Variants in AK2 observed in about 807,000 individuals in gnomAD.
AK2 encodes the protein adenylate kinase 2.
AK2 carries 15 observed loss-of-function variants against 24.6 expected under a neutral mutation model. The ratio of observed to expected loss-of-function variants is 0.61; its 90% CI spans 0.41 to 0.94. The LOEUF is 0.94. AK2 is among the 40% of genes least tolerant of loss of function. The pLI is 0.00. For missense variants in AK2, 257 were observed against 304.1 expected (o/e 0.85, Z 1.15); for synonymous variants, 102 against 114.0 (o/e 0.90, Z 0.67).
Position 33,007,995 on chromosome 1 carries a change from TA to T in AK2, c.*5185del. 2.2e-6 allele frequency: 1 copy of T among 453,782 alleles called. No individual in the cohort carries two copies. The highest frequency in any genetic ancestry group is 4.4e-6 in the Non-Finnish European group (1 of 226,714). The allele number at this position is 453,782 out of a possible 1,614,324, so 28.1% of individuals were successfully genotyped here. On this transcript the variant is annotated 3_prime_UTR_variant, in exon 6 of 6. Transcript: ENST00000672715. ...ATGCATGCAGAACCTCTCACACAGC[TA>T]AGAATTTAATATGTTAGACTATTAT... is the stretch of plus-strand genomic sequence containing the variant.
In AK2 at chr1:33,012,362, A is replaced by C. The variant is rs746790834; in HGVS notation, c.*819T>G. The C allele has an allele frequency of 1.3e-6, 2 of 1,526,440 alleles. No homozygotes were observed. Among genetic ancestry groups the C allele is most frequent in the South Asian group, 2.4e-5 (2 of 83,066 alleles). 94.6% of individuals were successfully genotyped at this position (1,526,440 alleles called of 1,614,324 possible). ...TCCACCTAGGGGGAAAAAATTAATG[A>C]TCCCTGTTCACACACTGACTCACGT... On this transcript the variant is annotated 3_prime_UTR_variant, in exon 6 of 6. Coordinates refer to ENST00000672715, the MANE Select transcript of AK2 (RefSeq NM_001625.4).
rs564890481 is a variant in AK2, at chr1:33,033,066, G to A, written c.93+3670C>T. Among the ~76,000 whole-genome samples, 4 of 151,992 alleles carry A rather than the reference G, an allele frequency of 2.6e-5. No individual in the cohort carries two copies. The South Asian group carries it at 8.3e-4, about 32-fold the overall frequency. ...TAGTCCCAGCTACTCGGGAGACTGA[G>A]GCAGAATGGCGTGAATCCGGGAAGC... On this transcript the variant is annotated intron_variant, in intron 1 of 5. Coordinates refer to ENST00000672715, the MANE Select transcript of AK2 (RefSeq NM_001625.4).
chr1:33,014,361 C>A, intron 5 of AK2, 161 bp downstream of exon 5: 2 of 634,426 alleles, frequency 3.2e-6, no homozygotes, highest in East Asian at 3.6e-5. Context: ...CTGAATAGAT[C>A]TGACACAGGC....
At chr1:33,017,911 C>T (rs1639294974) in intron 4 of AK2, among the ~76,000 whole-genome samples, 1 of 152,168 alleles carries the variant, frequency 6.6e-6, no homozygotes, top group South Asian at 2.1e-4. Context: ...CAGGTGCACA[C>T]TGCCACACCT....
At chr1:33,014,362 T>G in intron 5 of AK2, 160 bp downstream of exon 5, 1 of 638,244 alleles carries the variant, frequency 1.6e-6, no homozygotes, top group Non-Finnish European at 2.9e-6. Context: ...TGAATAGATC[T>G]GACACAGGCC....
intron 1 of AK2, among the ~76,000 whole-genome samples, chr1:33,030,824 G>A (rs1640192757): frequency 6.6e-6 from 1 of 152,208 alleles, no homozygotes; most frequent in African/African-American, 2.4e-5. Flanking sequence ...TCTTAGCCAT[G>A]ACACTATAAG....
intron 1 of AK2, among the ~76,000 whole-genome samples, chr1:33,028,714 C>G (rs1264825330): frequency 6.6e-6 from 1 of 152,118 alleles, no homozygotes; most frequent in African/African-American, 2.4e-5. Flanking sequence ...TCTATGAAAA[C>G]TCTGTGGGGT....
Position 33,021,679 on chromosome 1 carries a change from G to A in AK2, c.244C>T (p.Leu82Phe), listed in dbSNP as rs1639567622. ...KLVSDEMVVE[L>F]IEKNLETPLC... ...GGGGTCTCCAAATTCTTCTCAATGA[G>A]CTCCACTACCATTTCATCACTCACC... Residue 82 changes from leucine (L) to phenylalanine (F), a missense_variant, in exon 3 of 6, where the codon CTC (leucine) becomes TTC (phenylalanine). By Grantham distance (22) the Leu-to-Phe change is conservative (BLOSUM62 0). Coordinates refer to ENST00000672715, the MANE Select transcript of AK2 (RefSeq NM_001625.4). 3 of 1,613,794 alleles carry A rather than the reference G, an allele frequency of 1.9e-6. No homozygotes were observed. The highest frequency in any genetic ancestry group is 2.5e-6 in the Non-Finnish European group (3 of 1,179,690).
At chr1:33,020,908 A>T (rs1346050202) in intron 4 of AK2, among the ~76,000 whole-genome samples, 3 of 151,686 alleles carry the variant, frequency 2.0e-5, no homozygotes, top group Non-Finnish European at 4.4e-5. Context: ...GCACTTTGGG[A>T]GGCCGAGGCA....
At position 33,014,384 on chromosome 1, in the gene AK2, T is replaced by C. The variant is rs1179964520; in HGVS notation, c.498+138A>G. On this transcript the variant is annotated intron_variant, in intron 5 of 5. Coordinates refer to ENST00000672715, the MANE Select transcript of AK2 (RefSeq NM_001625.4). ...ATCTGACACAGGCCATGTGATTTAC[T>C]TGATAGTGTTATTTTTCATGACTAA... 10 of 709,694 alleles carry C rather than the reference T, an allele frequency of 1.4e-5. No individual in the cohort carries two copies. The African/African-American group carries it at 1.4e-4, about 10-fold the overall frequency. The allele number at this position is 709,694 out of a possible 1,614,324, so 44.0% of individuals were successfully genotyped here. A position where few individuals can be genotyped will look rare whatever the true frequency, so the allele number is the denominator to read the frequency against.
At chr1:33,018,562 C>T (rs1051727915) in intron 4 of AK2, among the ~76,000 whole-genome samples, 2 of 152,228 alleles carry the variant, frequency 1.3e-5, no homozygotes, top group African/African-American at 4.8e-5. Context: ...AACCCTGCCA[C>T]TCATCTGTTG....
At position 33,008,921 on chromosome 1, in the gene AK2, C is replaced by G; in HGVS notation, c.*4260G>C. 2.2e-6 allele frequency: 1 copy of G among 454,144 alleles called. No individual in the cohort carries two copies. The allele number at this position is 454,144 out of a possible 1,614,324, so 28.1% of individuals were successfully genotyped here. On this transcript the variant is annotated 3_prime_UTR_variant, in exon 6 of 6. Coordinates refer to ENST00000672715, the MANE Select transcript of AK2 (RefSeq NM_001625.4). ...GTTTATTCTTCTCAACTACACCATG[C>G]TGCTTTGCAGGTTGGTTTGACAAAC...
Position 33,013,284 on chromosome 1 carries a change from A to G in AK2, c.617T>C (p.Ile206Thr). The G allele has an allele frequency of 3.7e-6, 6 of 1,614,186 alleles. No homozygotes were observed. The highest frequency in any genetic ancestry group is 4.2e-6 in the Non-Finnish European group (5 of 1,180,020). ...PLIEYYRKRG[I>T]HSAIDASQTP... ...CTGGGATGCATCGATGGCGGAGTGG[A>G]TCCCCCGTTTCCTGTAGTACTCTAT... Residue 206 changes from isoleucine (I) to threonine (T), a missense_variant, in exon 6 of 6, where the codon ATC becomes ACC. By Grantham distance (89) the Ile-to-Thr change is moderately conservative. Coordinates refer to ENST00000672715, the MANE Select transcript of AK2 (RefSeq NM_001625.4).
chr1:33,013,325 AG>A lies in AK2; in HGVS notation c.575del (p.Thr192IlefsTer7). On this transcript the variant is annotated frameshift_variant, in exon 6 of 6. Transcript: ENST00000672715. LOFTEE classifies it high-confidence loss of function. ...AGTACTCTATGAGTGGGGTGGTTTG[AG>A]TGTGGTAGGCTTGCAGGCGGATTTT... ...ALKIRLQAYH[T>X]QTTPLIEYYR... The A allele has an allele frequency of 6.2e-7, 1 of 1,614,006 alleles. No homozygotes were observed. The highest frequency in any genetic ancestry group is 8.5e-7 in the Non-Finnish European group (1 of 1,179,936).
intron 2 of AK2, 83 bp downstream of exon 2, chr1:33,024,359 C>G: frequency 6.3e-7 from 1 of 1,575,884 alleles, no homozygotes; most frequent in South Asian, 1.1e-5. Context: ...TAAATAGCCA[C>G]CTGTGGCTGG....
chr1:33,015,189 T>C (rs1023684224), intron 4 of AK2, among the ~76,000 whole-genome samples: 3 of 152,260 alleles, frequency 2.0e-5, no homozygotes, highest in African/African-American at 7.2e-5. Context: ...CACTGCCAGA[T>C]AATGGAACAC....
intron 4 of AK2, among the ~76,000 whole-genome samples, chr1:33,015,613 G>A (rs186381394): frequency 7.2e-5 from 11 of 152,314 alleles, no homozygotes; most frequent in South Asian, 2.1e-4. Flanking sequence ...TATTTGGGCC[G>A]GGCCCAGCAG....
At chr1:33,016,439 C>T (rs1458561539) in intron 4 of AK2, among the ~76,000 whole-genome samples, 1 of 152,004 alleles carries the variant, frequency 6.6e-6, no homozygotes, top group Non-Finnish European at 1.5e-5. Flanking sequence ...TCTCGATCTC[C>T]TGACCTCGTG....
intron 4 of AK2, among the ~76,000 whole-genome samples, chr1:33,015,610 G>A (rs1249068793): frequency 2.6e-5 from 4 of 152,210 alleles, no homozygotes; most frequent in Non-Finnish European, 5.9e-5. Flanking sequence ...CAATATTTGG[G>A]CCGGGCCCAG....
Sources: gnomAD v4.1 joint callset for allele counts (sites outside exome capture counted in the v4.1 genomes callset) on GRCh38, gnomAD v4.1.1 for gene constraint, MANE v1.5 for transcripts, NCBI Gene and HGNC (gene_info 2026-07-23, HGNC 2026-07-21) for gene names.